TVP23A: variants seen among roughly 807,000 people sequenced by gnomAD.
TVP23A encodes the protein Golgi apparatus membrane protein TVP23 homolog A.
In TVP23A, 21 loss-of-function variants were observed where a neutral mutation model predicts 31.7. The observed-to-expected ratio is 0.66, with a 90% CI of 0.47 to 0.95. The LOEUF (loss-of-function observed/expected upper bound fraction) is 0.95, where lower values mean the gene tolerates loss of function less well. Among genes scored for constraint, TVP23A ranks in the 40% least tolerant of loss-of-function variants. The probability of loss-of-function intolerance (pLI) is 0.00; values close to 1 mark genes in which losing one functional copy is unlikely to be tolerated. For synonymous variants in TVP23A, 104 were observed against 96.0 expected, an observed-to-expected ratio of 1.08 and a Z score of -0.49; for missense variants, 279 against 255.6, an observed-to-expected ratio of 1.09 and a Z score of -0.62.
chr16:10,777,503 T>C lies in TVP23A; in HGVS notation c.90-2407A>G, dbSNP rs894499609. Among the ~76,000 whole-genome samples the C allele has an allele frequency of 1.3e-5, 2 of 151,522 alleles. No individual in the cohort carries two copies. The highest frequency in any genetic ancestry group is 4.9e-5 in the African/African-American group (2 of 41,166). On this transcript the variant is annotated intron_variant, in intron 2 of 7. Transcript: ENST00000299866. The surrounding 1 kb of genome is among the most constrained non-coding windows in gnomAD (Gnocchi z 4.5). The stretch of plus-strand genomic sequence containing the variant: ...TCATTCTCCCCAAGAAGAAACGGAG[T>C]CCGAGTCAACAAACCACAGGTGCCT...
chr16:10,800,601 A>T (rs1051281939), intron 2 of TVP23A, among the ~76,000 whole-genome samples: 1 of 152,186 alleles, frequency 6.6e-6, no homozygotes, highest in Non-Finnish European at 1.5e-5. Context: ...TCCTTCAGCA[A>T]ATACTGAATC....
chr16:10,759,865 CAA>C (rs1900824129), downstream of TVP23A, among the ~76,000 whole-genome samples: 2 of 152,334 alleles, frequency 1.3e-5, no homozygotes, highest in African/African-American at 4.8e-5. The surrounding 1 kb of genome is among the most constrained non-coding windows in gnomAD (Gnocchi z 4.7). Context: ...GCCTCAGTGT[CAA>C]GAGCCAAACA....
chr16:10,814,490 A>G (rs2034344527), intron 2 of TVP23A, among the ~76,000 whole-genome samples: 1 of 152,062 alleles, frequency 6.6e-6, no homozygotes, highest in African/African-American at 2.4e-5. Flanking sequence ...ACCACCAGCA[A>G]GGCGGGCCGA....
rs1438236893 is a variant in TVP23A, at chr16:10,818,343, C to T, written c.9+142G>A. 16 of 1,384,922 alleles carry T rather than the reference C, an allele frequency of 1.2e-5. No homozygotes were observed. In the South Asian group the frequency reaches 1.5e-4, roughly 13 times the overall value. 85.8% of individuals were successfully genotyped at this position (1,384,922 alleles called of 1,614,324 possible). A position where few individuals can be genotyped will look rare whatever the true frequency, so the allele number is the denominator to read the frequency against. On this transcript the variant is annotated intron_variant, in intron 1 of 7. Transcript: ENST00000299866. This position sits in a 1 kb window ranked among gnomAD's most constrained non-coding sequence, Gnocchi z 4.7. ...CCTCCGCTGCGGCTGCAGTGCAAAGCCCTCTCCACCCTCCCGACCACCGGG... is the reference window on the plus strand; with the variant it reads ...CCTCCGCTGCGGCTGCAGTGCAAAGTCCTCTCCACCCTCCCGACCACCGGG...
At chr16:10,801,459 T>C (rs745785550) in intron 2 of TVP23A, among the ~76,000 whole-genome samples, 23 of 152,190 alleles carry the variant, frequency 1.5e-4, no homozygotes, top group Non-Finnish European at 2.9e-4. Context: ...GATCCTGGAT[T>C]GAGTCTTCTT....
At chr16:10,789,821 ACT>A (rs1454713761) in intron 2 of TVP23A, among the ~76,000 whole-genome samples, 1 of 139,762 alleles carries the variant, frequency 7.2e-6, no homozygotes, top group African/African-American at 2.7e-5. Context: ...ACAGAGTGAG[ACT>A]CTGTCTCAAA....
chr16:10,785,191 G>T (rs13331357), intron 2 of TVP23A, among the ~76,000 whole-genome samples: 7 of 152,142 alleles, frequency 4.6e-5, no homozygotes, highest in African/African-American at 1.4e-4. Context: ...GATCACCTGA[G>T]GTCAGGAGCT....
At chr16:10,812,299 A>C (rs996266788) in intron 2 of TVP23A, among the ~76,000 whole-genome samples, 2 of 152,238 alleles carry the variant, frequency 1.3e-5, no homozygotes, top group East Asian at 3.8e-4. Flanking sequence ...ACCCTTGTAC[A>C]GTGTTGATGG....
In TVP23A at chr16:10,767,418, G is replaced by C. The variant is rs2031053808; in HGVS notation, c.*1684C>G. 2.5e-6 allele frequency: 1 copy of C among 400,074 alleles called. No individual in the cohort carries two copies. The highest frequency in any genetic ancestry group is 4.4e-6 in the Non-Finnish European group (1 of 227,360). 24.8% of individuals were successfully genotyped at this position (400,074 alleles called of 1,614,324 possible). ...AAAATTATACACAGACAAAGCAGCAGGCAGAATGTGTGTGTCATGTGCTCC... is the reference window on the plus strand; with the variant it reads ...AAAATTATACACAGACAAAGCAGCACGCAGAATGTGTGTGTCATGTGCTCC... On this transcript the variant is annotated 3_prime_UTR_variant, in exon 8 of 8. Transcript: ENST00000299866. This position sits in a 1 kb window ranked among gnomAD's most constrained non-coding sequence, Gnocchi z 4.6.
chr16:10,766,304 G>T (rs138073723), downstream of TVP23A, among the ~76,000 whole-genome samples: 1 of 152,306 alleles, frequency 6.6e-6, no homozygotes, highest in African/African-American at 2.4e-5. The surrounding 1 kb of genome is among the most constrained non-coding windows in gnomAD (Gnocchi z 4.8). Flanking sequence ...CTGCCAGGGT[G>T]GGGTGAGAGG....
intron 2 of TVP23A, among the ~76,000 whole-genome samples, chr16:10,809,963 A>G (rs904469463): frequency 6.6e-6 from 1 of 152,224 alleles, no homozygotes; most frequent in Non-Finnish European, 1.5e-5. Context: ...TCATAACAAC[A>G]CAAAAGCAGA....
At chr16:10,757,798 TAAA>T, downstream of TVP23A, 1 of 1,222,232 alleles carries the variant, frequency 8.2e-7, no homozygotes, top group Non-Finnish European at 1.1e-6. This position sits in a 1 kb window ranked among gnomAD's most constrained non-coding sequence, Gnocchi z 4.1. Context: ...CCCCATCCTT[TAAA>T]AAAAAAAGAG....
Position 10,773,394 on chromosome 16 carries a change from G to A in TVP23A, c.372C>T (p.Phe124=), listed in dbSNP as rs751468440. ...IAATEAEARI[F]WLGLIICPMI... ...TGGGGCAGATTATGAGGCCCAGCCA[G>A]AAGATTCGTGCTTCAGCTTCTGTGG... is the stretch of plus-strand genomic sequence containing the variant. The change falls in exon 5 of 8, where the codon TTC becomes TTT. Residue 124 remains phenylalanine (F), a synonymous_variant. Coordinates refer to ENST00000299866, the MANE Select transcript of TVP23A (RefSeq NM_001079512.4). The A allele has an allele frequency of 1.9e-6, 3 of 1,611,180 alleles. No homozygotes were observed. Among genetic ancestry groups the A allele is most frequent in the East Asian group, 2.2e-5 (1 of 44,842 alleles).
Position 10,768,238 on chromosome 16 carries a change from G to T in TVP23A, c.*864C>A. On this transcript the variant is annotated 3_prime_UTR_variant, in exon 8 of 8. Transcript: ENST00000299866. This position sits in a 1 kb window ranked among gnomAD's most constrained non-coding sequence, Gnocchi z 4.3. ...TTCATAGTTTAAAAAACATGGTGAG[G>T]GTGAAATTTATGGCTTAGGAAATAC... 2.3e-6 allele frequency: 1 copy of T among 435,516 alleles called. No individual in the cohort carries two copies. Among genetic ancestry groups the T allele is most frequent in the East Asian group, 3.6e-5 (1 of 27,656 alleles). The allele number at this position is 435,516 out of a possible 1,614,324, so 27.0% of individuals were successfully genotyped here. A position where few individuals can be genotyped will look rare whatever the true frequency, so the allele number is the denominator to read the frequency against.
intron 2 of TVP23A, among the ~76,000 whole-genome samples, chr16:10,817,005 AC>A (rs1485062065): frequency 3.3e-5 from 5 of 152,032 alleles, no homozygotes; most frequent in Non-Finnish European, 5.9e-5. Context: ...ACATGCTATA[AC>A]ACTGGCCTTG....
At chr16:10,762,547 G>A (rs565027475), downstream of TVP23A, among the ~76,000 whole-genome samples, 240 of 152,332 alleles carry the variant, frequency 1.6e-3, 1 homozygote, top group African/African-American at 5.5e-3. Context: ...CCCCAGGACC[G>A]CGGAGCCGGG....
At position 10,810,245 on chromosome 16, in the gene TVP23A, G is replaced by A. The variant is rs542202456; in HGVS notation, c.89+7858C>T. Among the ~76,000 whole-genome samples, 7 of 152,194 alleles carry A rather than the reference G, an allele frequency of 4.6e-5. No homozygotes were observed. In the South Asian group the frequency reaches 1.2e-3, roughly 27 times the overall value. ...AAAAAAAAAATTAGCATTTGAATTGGTGGACGGAGAAAAGAAGATCCACCC... is the reference window on the plus strand; with the variant it reads ...AAAAAAAAAATTAGCATTTGAATTGATGGACGGAGAAAAGAAGATCCACCC... On this transcript the variant is annotated intron_variant, in intron 2 of 7. Coordinates refer to ENST00000299866, the MANE Select transcript of TVP23A (RefSeq NM_001079512.4).
chr16:10,778,809 T>C (rs1019507413), intron 2 of TVP23A, among the ~76,000 whole-genome samples: 1 of 152,060 alleles, frequency 6.6e-6, no homozygotes, highest in Non-Finnish European at 1.5e-5. Flanking sequence ...CTACTAAAAC[T>C]ACAAAAATTA....
At chr16:10,785,835 TG>T (rs2032721748) in intron 2 of TVP23A, among the ~76,000 whole-genome samples, 1 of 152,224 alleles carries the variant, frequency 6.6e-6, no homozygotes, top group South Asian at 2.1e-4. Context: ...TGATTTGCTC[TG>T]GCCCCCTGGC....
Sources: allele counts gnomAD v4.1 joint callset (sites outside exome capture counted in the v4.1 genomes callset), GRCh38; gene constraint gnomAD v4.1.1; non-coding constraint Gnocchi (gnomAD v3.1); transcripts MANE v1.5; gene names NCBI Gene and HGNC (gene_info 2026-07-23, HGNC 2026-07-21).